ZBTB17: variants seen among roughly 807,000 people sequenced by gnomAD.
ZBTB17 encodes the protein zinc finger and BTB domain-containing protein 17.
ZBTB17 carries 24 observed loss-of-function variants against 85.1 expected under a neutral mutation model. The ratio of observed to expected loss-of-function variants is 0.28; its 90% CI spans 0.20 to 0.40. The LOEUF is 0.40. Ranked by LOEUF, ZBTB17 falls within the 10% of genes least tolerant of loss-of-function variation. The pLI is 1.00. For missense variants in ZBTB17, 743 were observed against 1,105.1 expected, an observed-to-expected ratio of 0.67 and a Z score of 4.65; for synonymous variants, 464 against 460.2, an observed-to-expected ratio of 1.01 and a Z score of -0.11.
intron 7 of ZBTB17, 41 bp downstream of exon 7, chr1:15,944,896 G>A (rs938573090): frequency 3.2e-6 from 5 of 1,562,746 alleles, no homozygotes; most frequent in Non-Finnish European, 3.5e-6. Context: ...GGCCGGAGGG[G>A]AGGGACGCTG....
rs2071454684 is a variant in ZBTB17 at position 15,943,668 on chromosome 1, C to A, written c.1507G>T (p.Val503Leu). Residue 503 changes from valine to leucine, a missense_variant, in exon 11 of 16, where the codon GTG (valine) becomes TTG (leucine). By Grantham distance (32) the Val-to-Leu change is conservative. Around this residue, in one of 4 missense-constraint regions of ZBTB17, gnomAD observed 321 missense variants for 615.7 expected, o/e 0.52. Transcript: ENST00000375743. ...LRIHSGEKPY[V>L]CIHCQRQFAD... ...AACTGTCGCTGGCAGTGGATGCACA[C>A]GTAGGGCTTCTCCCCGCTGTGGATC... 6.2e-7 allele frequency: 1 copy of A among 1,613,280 alleles called. No homozygotes were observed. The highest frequency in any genetic ancestry group is 8.5e-7 in the Non-Finnish European group (1 of 1,179,960).
Position 15,945,771 on chromosome 1 carries a change from G to C in ZBTB17, c.605C>G (p.Thr202Arg), listed in dbSNP as rs1247512178. The C allele has an allele frequency of 3.1e-6, 5 of 1,606,214 alleles. No homozygotes were observed. The highest frequency in any genetic ancestry group is 4.2e-6 in the Non-Finnish European group (5 of 1,179,840). ...AGCTTCTGCAGCAGCCATGCCACTCGTGGGGTCTGGCTTGAGCTCCACAGG... is the reference window on the plus strand; with the variant it reads ...AGCTTCTGCAGCAGCCATGCCACTCCTGGGGTCTGGCTTGAGCTCCACAGG... ...PPPVELKPDP[T>R]SGMAAAEAEA... Residue 202 changes from threonine to arginine, a missense_variant, in exon 6 of 16, where the codon ACG becomes AGG. Physicochemically the swap from Thr to Arg is moderately conservative, Grantham distance 71. Transcript: ENST00000375743.
chr1:15,948,425 C>T lies in ZBTB17; in HGVS notation c.71G>A (p.Cys24Tyr). 1 of 1,614,030 alleles carries T rather than the reference C, an allele frequency of 6.2e-7. No individual in the cohort carries two copies. The highest frequency in any genetic ancestry group is 8.5e-7 in the Non-Finnish European group (1 of 1,180,052). ...ACCGTCCACCACAAAGGTGCAGTCA[C>T]AGAGAAGCCCCAGCTGCCGCTGCTG... ...LNQQRQLGLL[C>Y]DCTFVVDGVH... Residue 24 changes from cysteine (C) to tyrosine (Y), a missense_variant, in exon 3 of 16, where the codon TGT (cysteine) becomes TAT (tyrosine). Around this residue, in one of 4 missense-constraint regions of ZBTB17, gnomAD observed 74 missense variants for 142.6 expected, o/e 0.52. Coordinates refer to ENST00000375743, the MANE Select transcript of ZBTB17 (RefSeq NM_003443.3).
At chr1:15,972,587 C>T (rs933172407) in intron 2 of ZBTB17, among the ~76,000 whole-genome samples, 13 of 152,074 alleles carry the variant, frequency 8.5e-5, no homozygotes, top group African/African-American at 2.7e-4. Context: ...CCCTTTTTGC[C>T]CTAGGGAGAT....
chr1:15,957,583 A>G lies in ZBTB17; in HGVS notation c.-2-9086T>C, dbSNP rs540992293. Among the ~76,000 whole-genome samples, 7 of 152,228 alleles carry G rather than the reference A, an allele frequency of 4.6e-5. No individual in the cohort carries two copies. In the East Asian group the frequency reaches 1.4e-3, roughly 29 times the overall value. Reference sequence around the variant, plus strand: ...GGAGTGACGAAGAGTGACAGAAAAGAGCAGAAGAGTGAGGTTCCTAAAAGG... The same window carrying G: ...GGAGTGACGAAGAGTGACAGAAAAGGGCAGAAGAGTGAGGTTCCTAAAAGG... On this transcript the variant is annotated intron_variant, in intron 2 of 15. Coordinates refer to ENST00000375743, the MANE Select transcript of ZBTB17 (RefSeq NM_003443.3).
Position 15,942,653 on chromosome 1 carries a change from C to T in ZBTB17, c.1914G>A (p.Gln638=). The T allele has an allele frequency of 6.2e-7, 1 of 1,613,750 alleles. No homozygotes were observed. The change falls in exon 14 of 16, where the codon CAG becomes CAA. Residue 638 remains glutamine, a synonymous_variant. Coordinates refer to ENST00000375743, the MANE Select transcript of ZBTB17 (RefSeq NM_003443.3). The part of the protein sequence containing the change: ...NLRSHVKTVH[Q]GKAGIKILEP... ...CCAGGATCTTGATGCCTGCCTTGCC[C>T]TGGTGCACGGTCTTCACGTGGGAGC...
chr1:15,959,721 T>C (rs2072188606), intron 2 of ZBTB17, among the ~76,000 whole-genome samples: 1 of 151,838 alleles, frequency 6.6e-6, no homozygotes, highest in South Asian at 2.1e-4. Flanking sequence ...TGCAGCAAGC[T>C]ATGATCACAC....
chr1:15,971,552 ATATATATACACACACAC>A (rs1476380422), intron 2 of ZBTB17, among the ~76,000 whole-genome samples: 21 of 144,956 alleles, frequency 1.4e-4, no homozygotes, highest in African/African-American at 1.8e-4. Context: ...CACACACACT[ATATATATACACACACAC>A]TATATATATA....
At chr1:15,958,127 C>A (rs763025297) in intron 2 of ZBTB17, among the ~76,000 whole-genome samples, 24 of 152,180 alleles carry the variant, frequency 1.6e-4, no homozygotes, top group Non-Finnish European at 3.1e-4. Context: ...AGGAAAACCA[C>A]CATAAATACG....
At chr1:15,957,127 C>A (rs2072072301) in intron 2 of ZBTB17, among the ~76,000 whole-genome samples, 2 of 146,700 alleles carry the variant, frequency 1.4e-5, no homozygotes, top group South Asian at 2.1e-4. Context: ...TGCAGTGAGC[C>A]AAGATCGTGC....
In ZBTB17 at chr1:15,946,281, T is replaced by C; in HGVS notation, c.408A>G (p.Arg136=). ...EALATEGGDK[R]AKEEKVATST... ...TGGTGGCCACCTTCTCCTCTTTGGC[T>C]CTCTTGTCCCCTCCTGGAGATGGAA... is the stretch of plus-strand genomic sequence containing the variant. The change falls in exon 5 of 16, where the codon AGA becomes AGG. Residue 136 remains arginine (R), a synonymous_variant. Coordinates refer to ENST00000375743, the MANE Select transcript of ZBTB17 (RefSeq NM_003443.3). 1 of 1,613,010 alleles carries C rather than the reference T, an allele frequency of 6.2e-7. No individual in the cohort carries two copies.
Position 15,951,379 on chromosome 1 carries a change from G to T in ZBTB17, c.-2-2882C>A, listed in dbSNP as rs2071834859. 6.6e-6 allele frequency among the ~76,000 whole-genome samples: 1 copy of T among 152,158 alleles called. No individual in the cohort carries two copies. The highest frequency in any genetic ancestry group is 1.5e-5 in the Non-Finnish European group (1 of 68,026). On this transcript the variant is annotated intron_variant, in intron 2 of 15. Coordinates refer to ENST00000375743, the MANE Select transcript of ZBTB17 (RefSeq NM_003443.3). This position sits in a 1 kb window ranked among gnomAD's most constrained non-coding sequence, Gnocchi z 4.1. ...CAGAGAGATCAGCAGCAGCTGAAAT[G>T]CGCTTACCAGTACAATCTGGGACTG...
At position 15,964,948 on chromosome 1, in the gene ZBTB17, C is replaced by G. The variant is rs1239141667; in HGVS notation, c.-3+8091G>C. ...GGCCAAGATGCTGAAACCCCGTCTA[C>G]TAAAAATAAAAAAAAATTAGCCAGG... is the stretch of plus-strand genomic sequence containing the variant. On this transcript the variant is annotated intron_variant, in intron 2 of 15. Coordinates refer to ENST00000375743, the MANE Select transcript of ZBTB17 (RefSeq NM_003443.3). This position sits in a 1 kb window ranked among gnomAD's most constrained non-coding sequence, Gnocchi z 4.3. Among the ~76,000 whole-genome samples the G allele has an allele frequency of 1.3e-5, 2 of 151,610 alleles. No homozygotes were observed. Among genetic ancestry groups the G allele is most frequent in the Non-Finnish European group, 2.9e-5 (2 of 67,970 alleles).
At position 15,943,614 on chromosome 1, in the gene ZBTB17, C is replaced by G. The variant is rs199783364; in HGVS notation, c.1561G>C (p.Val521Leu). The G allele has an allele frequency of 6.2e-7, 1 of 1,612,944 alleles. No individual in the cohort carries two copies. The highest frequency in any genetic ancestry group is 1.7e-5 in the Admixed American group (1 of 60,026). Residue 521 changes from valine to leucine, a missense_variant, in exon 11 of 16, where the codon GTC becomes CTC. Physicochemically the swap from Val to Leu is conservative, Grantham distance 32 (BLOSUM62 1). Coordinates refer to ENST00000375743, the MANE Select transcript of ZBTB17 (RefSeq NM_003443.3). ...CACCACCCACCTGTGTGAATGCGGA[C>G]GTGCCGCTGCAGAGCGCCGGGGTCT... ...FADPGALQRHVRIHTGEKPCQ... is the reference protein window; with the variant it reads ...FADPGALQRHLRIHTGEKPCQ...
At chr1:15,954,934 C>T (rs1379193531) in intron 2 of ZBTB17, among the ~76,000 whole-genome samples, 1 of 152,294 alleles carries the variant, frequency 6.6e-6, no homozygotes, top group African/African-American at 2.4e-5. Context: ...GCTGGCGGAT[C>T]ACTTGAGGTC....
chr1:15,944,930 C>G lies in ZBTB17; in HGVS notation c.927+7G>C. On this transcript the variant is annotated splice_region_variant and intron_variant, in intron 7 of 15. Transcript: ENST00000375743. Reference sequence around the variant, plus strand: ...TGGCTGGGAGGGCTGGCCATAGTCTCCCTCACCTCGCACTTGTGGATGACG... The same window carrying G: ...TGGCTGGGAGGGCTGGCCATAGTCTGCCTCACCTCGCACTTGTGGATGACG... 1 of 1,570,790 alleles carries G rather than the reference C, an allele frequency of 6.4e-7. No individual in the cohort carries two copies. The highest frequency in any genetic ancestry group is 8.6e-7 in the Non-Finnish European group (1 of 1,160,164).
At chr1:15,962,393 A>G (rs1003595757) in intron 2 of ZBTB17, among the ~76,000 whole-genome samples, 11 of 151,954 alleles carry the variant, frequency 7.2e-5, no homozygotes, top group Non-Finnish European at 1.5e-4. Flanking sequence ...TTGCAAATAG[A>G]CCATAACCCA....
intron 2 of ZBTB17, chr1:15,969,915 G>C (rs2148814606): frequency 1.6e-6 from 1 of 643,852 alleles, no homozygotes; most frequent in South Asian, 1.5e-5. Flanking sequence ...TCTGGAGTCA[G>C]GTGTGAATCT....
intron 2 of ZBTB17, among the ~76,000 whole-genome samples, chr1:15,957,396 G>A (rs185647750): frequency 4.9e-4 from 75 of 151,738 alleles, no homozygotes; most frequent in African/African-American, 1.8e-3. Context: ...TGTGGCACAG[G>A]GGCCGGTGTG....
Sources: allele counts gnomAD v4.1 joint callset (sites outside exome capture counted in the v4.1 genomes callset), GRCh38; gene constraint gnomAD v4.1.1; regional missense constraint gnomAD v4.1.1; non-coding constraint Gnocchi (gnomAD v3.1); transcripts MANE v1.5; gene names NCBI Gene and HGNC (gene_info 2026-07-23, HGNC 2026-07-21).